Variants in ZNF532 observed in about 807,000 individuals in gnomAD.
The protein encoded by ZNF532 is zinc finger protein 532.
A neutral mutation model predicts 89.3 loss-of-function variants in ZNF532; 22 were observed. The ratio of observed to expected loss-of-function variants is 0.25; its 90% CI spans 0.18 to 0.35. The LOEUF (loss-of-function observed/expected upper bound fraction) is 0.35, where lower values mean the gene tolerates loss of function less well. Among genes scored for constraint, ZNF532 ranks in the 10% least tolerant of loss-of-function variants. The pLI, the probability that ZNF532 is intolerant of heterozygous loss-of-function variation, is 1.00. For missense variants in ZNF532, 1,132 were observed against 1,643.4 expected, an observed-to-expected ratio of 0.69 and a Z score of 5.38; for synonymous variants, 606 against 649.6, an observed-to-expected ratio of 0.93 and a Z score of 1.02.
chr18:58,956,093 A>G (rs1228436641), intron 7 of ZNF532, among the ~76,000 whole-genome samples: 1 of 152,236 alleles, frequency 6.6e-6, no homozygotes, highest in Non-Finnish European at 1.5e-5. Flanking sequence ...ATTTGAGATA[A>G]TGATTAGATC....
At chr18:58,961,113 A>C (rs1402940696) in intron 7 of ZNF532, among the ~76,000 whole-genome samples, 1 of 152,210 alleles carries the variant, frequency 6.6e-6, no homozygotes, top group Non-Finnish European at 1.5e-5. Context: ...AGTGTGCGTC[A>C]GAATTAACTG....
At chr18:58,872,860 C>T (rs113975248) in intron 2 of ZNF532, among the ~76,000 whole-genome samples, 13,441 of 151,832 alleles carry the variant, frequency 0.089, 609 homozygotes, top group Middle Eastern at 0.16. Context: ...CCACCACGCC[C>T]GGCTAATTTT....
At chr18:58,868,915 C>T (rs1038276364) in intron 2 of ZNF532, among the ~76,000 whole-genome samples, 3 of 152,136 alleles carry the variant, frequency 2.0e-5, no homozygotes, top group African/African-American at 7.2e-5. Context: ...CCTACTATAG[C>T]CTACTATATA....
In ZNF532 at chr18:58,979,039, T is replaced by C; in HGVS notation, c.3151-16T>C. 6.3e-7 allele frequency: 1 copy of C among 1,596,800 alleles called. No individual in the cohort carries two copies. Among genetic ancestry groups the C allele is most frequent in the Non-Finnish European group, 8.6e-7 (1 of 1,165,984 alleles). ...TATTTTCATTCCCTTAAGTGAACTTTCTCTCCTTCCTCCAGCAAATGAAGA... is the reference window on the plus strand; with the variant it reads ...TATTTTCATTCCCTTAAGTGAACTTCCTCTCCTTCCTCCAGCAAATGAAGA... On this transcript the variant is annotated splice_polypyrimidine_tract_variant and intron_variant, in intron 7 of 9. Coordinates refer to ENST00000591808, the MANE Select transcript of ZNF532 (RefSeq NM_001375912.1).
intron 2 of ZNF532, among the ~76,000 whole-genome samples, chr18:58,904,421 A>G (rs1258093334): frequency 6.6e-6 from 1 of 152,050 alleles, no homozygotes; most frequent in Non-Finnish European, 1.5e-5. Context: ...ACCATGATTA[A>G]AAAAAGCTAA....
In ZNF532 at chr18:58,942,274, G is replaced by A. The variant is rs1477024976; in HGVS notation, c.2705+2653G>A. ...CCTGACCTCGTGATCCGCCCACCTTGGCCTCCCAAAGTGCTGGGATTACAG... is the reference window on the plus strand; with the variant it reads ...CCTGACCTCGTGATCCGCCCACCTTAGCCTCCCAAAGTGCTGGGATTACAG... On this transcript the variant is annotated intron_variant, in intron 5 of 9. Coordinates refer to ENST00000591808, the MANE Select transcript of ZNF532 (RefSeq NM_001375912.1). 1.7e-4 allele frequency among the ~76,000 whole-genome samples: 25 copies of A among 145,630 alleles called. No individual in the cohort carries two copies. The East Asian group carries it at 2.8e-3, about 16-fold the overall frequency.
At chr18:58,928,346 G>A (rs960440163) in intron 3 of ZNF532, among the ~76,000 whole-genome samples, 4 of 152,178 alleles carry the variant, frequency 2.6e-5, no homozygotes, top group Non-Finnish European at 4.4e-5. Flanking sequence ...CAAGTGTTCT[G>A]TAGACAATCT....
At chr18:58,953,048 G>C (rs1217369631) in intron 6 of ZNF532, 2 of 153,844 alleles carry the variant, frequency 1.3e-5, no homozygotes, top group Middle Eastern at 3.4e-3. Context: ...AGAGAAAAAG[G>C]CTTGCTATTT....
intron 2 of ZNF532, among the ~76,000 whole-genome samples, chr18:58,887,955 A>C (rs1475641461): frequency 6.6e-6 from 1 of 152,168 alleles, no homozygotes; most frequent in Non-Finnish European, 1.5e-5. Flanking sequence ...CCCTCCCCAA[A>C]CATCTTTTTA....
At chr18:58,945,560 C>T (rs140694496) in intron 5 of ZNF532, among the ~76,000 whole-genome samples, 4 of 152,170 alleles carry the variant, frequency 2.6e-5, no homozygotes, top group African/African-American at 4.8e-5. Context: ...TAAGACAGCA[C>T]GTCCAAACAA....
intron 6 of ZNF532, among the ~76,000 whole-genome samples, chr18:58,951,809 A>G (rs368541872): frequency 6.6e-6 from 1 of 151,802 alleles, no homozygotes; most frequent in Non-Finnish European, 1.5e-5. Context: ...GCCACCATGC[A>G]CGGCTAATTT....
In ZNF532 at chr18:58,983,961, T is replaced by G; in HGVS notation, c.3412-11T>G. 6.3e-7 allele frequency: 1 copy of G among 1,596,036 alleles called. No homozygotes were observed. Among genetic ancestry groups the G allele is most frequent in the Non-Finnish European group, 8.5e-7 (1 of 1,171,194 alleles). On this transcript the variant is annotated splice_polypyrimidine_tract_variant and intron_variant, in intron 9 of 9. Transcript: ENST00000591808. ...TTTTCAGTCGTGTCATTTGCTTTCT[T>G]TCCCTGAAAGGTCCCCAGTCCCAAG...
At chr18:58,863,880 C>A (rs2056191584), upstream of ZNF532, 1 of 152,204 alleles carries the variant, frequency 6.6e-6, no homozygotes, top group East Asian at 2.0e-4. Context: ...CGTGCCCACT[C>A]CTGCGGGCCG....
At position 58,888,786 on chromosome 18, in the gene ZNF532, A is replaced by ATT. The variant is rs1568246501; in HGVS notation, c.-18+23207_-18+23208insTT. 2.6e-3 allele frequency among the ~76,000 whole-genome samples: 16 copies of ATT among 6,208 alleles called. 1 individual carries two copies. The highest frequency in any genetic ancestry group is 6.9e-3 in the Admixed American group (2 of 288). The allele number at this position is 6,208 out of a possible 152,430, so 4.1% of individuals were successfully genotyped here. On this transcript the variant is annotated intron_variant, in intron 2 of 9. Coordinates refer to ENST00000591808, the MANE Select transcript of ZNF532 (RefSeq NM_001375912.1). ...AATATATATAATTTATATATATATA[A>ATT]AATATATATAATTTATATATATAAA...
intron 7 of ZNF532, among the ~76,000 whole-genome samples, chr18:58,963,821 C>CCA (rs2065624442): frequency 1.2e-5 from 1 of 82,746 alleles, no homozygotes; most frequent in Admixed American, 1.2e-4. Flanking sequence ...GACCCTGTCT[C>CCA]AAAAAAAAAA....
chr18:58,874,465 C>T (rs1415158919), intron 2 of ZNF532, among the ~76,000 whole-genome samples: 1 of 151,616 alleles, frequency 6.6e-6, no homozygotes, highest in Non-Finnish European at 1.5e-5. Context: ...CTGCCTCAGC[C>T]TCCTGTGTAG....
chr18:58,982,824 A>G (rs2067968705), intron 9 of ZNF532, among the ~76,000 whole-genome samples: 1 of 152,124 alleles, frequency 6.6e-6, no homozygotes, highest in Non-Finnish European at 1.5e-5. Context: ...GTTAAAGAAT[A>G]TGTGTGAAGC....
intron 4 of ZNF532, among the ~76,000 whole-genome samples, chr18:58,937,624 TG>T (rs1424537458): frequency 1.3e-5 from 2 of 152,224 alleles, no homozygotes; most frequent in African/African-American, 2.4e-5. Context: ...CTATCCTTCA[TG>T]GGAAAATCTT....
intron 2 of ZNF532, among the ~76,000 whole-genome samples, chr18:58,897,061 C>A (rs1265137053): frequency 6.6e-6 from 1 of 151,890 alleles, no homozygotes; most frequent in Non-Finnish European, 1.5e-5. Flanking sequence ...TTTTTTCCCC[C>A]GGGGCTTGAA....
Sources: gnomAD v4.1 joint callset for allele counts (sites outside exome capture counted in the v4.1 genomes callset) on GRCh38, gnomAD v4.1.1 for gene constraint, MANE v1.5 for transcripts, NCBI Gene and HGNC (gene_info 2026-07-23, HGNC 2026-07-21) for gene names.